The following DNER variants were observed in gnomAD, a reference collection of about 807,000 sequenced individuals.
DNER encodes delta and Notch-like epidermal growth factor-related receptor.
DNER carries 33 observed loss-of-function variants against 78.2 expected under a neutral mutation model. The observed-to-expected ratio is 0.42, with a 90% CI of 0.32 to 0.56. DNER has a LOEUF of 0.56. DNER is among the 20% of genes least tolerant of loss of function. The pLI, the probability that DNER is intolerant of heterozygous loss-of-function variation, is 0.11. For missense variants in DNER, 918 were observed against 975.3 expected (o/e 0.94, Z 0.78); for synonymous variants, 417 against 384.8 (o/e 1.08, Z -0.98).
At chr2:229,625,768 G>A (rs925884797) in intron 1 of DNER, among the ~76,000 whole-genome samples, 1 of 152,160 alleles carries the variant, frequency 6.6e-6, no homozygotes, top group African/African-American at 2.4e-5. Context: ...TTGGTAGCAG[G>A]AATGCAATAG....
Position 229,714,179 on chromosome 2 carries a change from C to G in DNER, c.245G>C (p.Cys82Ser). 3.0e-6 allele frequency: 4 copies of G among 1,341,854 alleles called. No homozygotes were observed. The highest frequency in any genetic ancestry group is 3.8e-6 in the Non-Finnish European group (4 of 1,051,882). The allele number at this position is 1,341,854 out of a possible 1,614,324, so 83.1% of individuals were successfully genotyped here. The change falls in exon 1 of 13, where the codon TGC (cysteine) becomes TCC (serine). Residue 82 changes from cysteine (C) to serine (S), a missense_variant. Cys to Ser is a moderately radical substitution (Grantham distance 112). Transcript: ENST00000341772. ...GTTGGCGCCGGAGATCCCGGCGGGG[C>G]AGGTGCAGCTGTAGCCAGGCTCGCC... ...PAGEPGYSCT[C>S]PAGISGANCQ...
At chr2:229,579,254 T>C (rs943562920) in intron 4 of DNER, among the ~76,000 whole-genome samples, 2 of 152,152 alleles carry the variant, frequency 1.3e-5, no homozygotes, top group African/African-American at 2.4e-5. Context: ...AACCCTGTCT[T>C]GGGCACTTGT....
intron 1 of DNER, among the ~76,000 whole-genome samples, chr2:229,625,143 C>T (rs189310508): frequency 1.2e-4 from 18 of 152,174 alleles, no homozygotes; most frequent in Admixed American, 3.3e-4. Context: ...ATAGAAATTG[C>T]GATCAAATCA....
At chr2:229,605,562 C>T (rs1385322516) in intron 1 of DNER, among the ~76,000 whole-genome samples, 3 of 152,176 alleles carry the variant, frequency 2.0e-5, no homozygotes, top group Non-Finnish European at 4.4e-5. Flanking sequence ...GCTTTTCAAG[C>T]TAACAATTTT....
intron 1 of DNER, among the ~76,000 whole-genome samples, chr2:229,702,557 T>C (rs1384321482): frequency 1.3e-5 from 2 of 151,750 alleles, no homozygotes; most frequent in Non-Finnish European, 2.9e-5. Flanking sequence ...ATGATGATGA[T>C]GATTTTAAAA....
intron 4 of DNER, among the ~76,000 whole-genome samples, chr2:229,584,635 C>T (rs1031815626): frequency 2.6e-5 from 4 of 152,118 alleles, no homozygotes; most frequent in African/African-American, 4.8e-5. Flanking sequence ...GCCATTTCTA[C>T]GCCAAAGCGG....
intron 1 of DNER, among the ~76,000 whole-genome samples, chr2:229,634,269 C>CTTT (rs1698491169): frequency 6.6e-6 from 1 of 152,118 alleles, no homozygotes; most frequent in Non-Finnish European, 1.5e-5. Context: ...TTCCTTCCTT[C>CTTT]CTTCCTTCCT....
chr2:229,453,161 T>A (rs1336117325), intron 7 of DNER, among the ~76,000 whole-genome samples: 1 of 152,224 alleles, frequency 6.6e-6, no homozygotes, highest in Non-Finnish European at 1.5e-5. Flanking sequence ...TGCTTACAAT[T>A]TTCATTTCTT....
chr2:229,593,674 T>C (rs529253982), intron 1 of DNER, among the ~76,000 whole-genome samples: 2 of 152,354 alleles, frequency 1.3e-5, no homozygotes, highest in Middle Eastern at 3.4e-3. Flanking sequence ...GATGTGAACT[T>C]GTTGAGTCAC....
chr2:229,547,750 G>A (rs527348928), intron 4 of DNER, among the ~76,000 whole-genome samples: 1 of 152,308 alleles, frequency 6.6e-6, no homozygotes, highest in Admixed American at 6.5e-5. Context: ...ACTAATCATA[G>A]TTGAATATGG....
intron 6 of DNER, among the ~76,000 whole-genome samples, chr2:229,497,442 C>G (rs1453498984): frequency 6.6e-6 from 1 of 151,320 alleles, no homozygotes; most frequent in Non-Finnish European, 1.5e-5. Context: ...TAATGAAGAT[C>G]AGATCAAAAA....
chr2:229,438,540 A>G (rs1694172553), intron 8 of DNER, among the ~76,000 whole-genome samples: 1 of 152,230 alleles, frequency 6.6e-6, no homozygotes. Context: ...GTAAGAGAAA[A>G]TAAGTGTCAG....
At chr2:229,431,357 T>C (rs1318593794) in intron 8 of DNER, among the ~76,000 whole-genome samples, 1 of 152,152 alleles carries the variant, frequency 6.6e-6, no homozygotes, top group Non-Finnish European at 1.5e-5. Context: ...TAAAGGCCTT[T>C]GACTTTAAAC....
rs1416013923 is a variant in DNER, at chr2:229,477,196, C to T, written c.1205G>A (p.Arg402Lys). Residue 402 changes from arginine (R) to lysine (K), a missense_variant, in exon 7 of 13, where the codon AGA (arginine) becomes AAA (lysine). Transcript: ENST00000341772. ...KIDYCILDPC[R>K]NGATCISSLS... ...ACTGGAAATGCATGTTGCTCCATTTCTGCATGGGTCTAGGATGCAGTAATC... is the reference window on the plus strand; with the variant it reads ...ACTGGAAATGCATGTTGCTCCATTTTTGCATGGGTCTAGGATGCAGTAATC... 6.2e-7 allele frequency: 1 copy of T among 1,614,022 alleles called. No homozygotes were observed. Among genetic ancestry groups the T allele is most frequent in the Non-Finnish European group, 8.5e-7 (1 of 1,179,952 alleles).
chr2:229,436,443 G>C (rs1694120762), intron 8 of DNER, among the ~76,000 whole-genome samples: 1 of 152,156 alleles, frequency 6.6e-6, no homozygotes, highest in Non-Finnish European at 1.5e-5. Flanking sequence ...TTCAGGAAAT[G>C]CAGAGAACAC....
chr2:229,700,353 T>G (rs1220143171), intron 1 of DNER, among the ~76,000 whole-genome samples: 1 of 142,632 alleles, frequency 7.0e-6, no homozygotes, highest in Non-Finnish European at 1.6e-5. Context: ...TTTTTTTTTT[T>G]GAGACAGCAT....
rs779351483 is a variant in DNER, at chr2:229,367,118, G to C, written c.1857C>G (p.His619Gln). ...CCATGTGCCCGGACTTCCATTGGAG[G>C]TCTGCAGGCAAAAATAAGCAAATGG... ...HGWVGANCEI[H>Q]LQWKSGHMAE... Residue 619 changes from histidine to glutamine, a missense_variant and splice_region_variant, in exon 12 of 13, where the codon CAC becomes CAG. Transcript: ENST00000341772. 1.9e-6 allele frequency: 3 copies of C among 1,614,036 alleles called. No homozygotes were observed. Among genetic ancestry groups the C allele is most frequent in the Non-Finnish European group, 2.5e-6 (3 of 1,179,982 alleles).
chr2:229,526,416 T>C (rs2154212706), intron 5 of DNER, among the ~76,000 whole-genome samples: 1 of 152,298 alleles, frequency 6.6e-6, no homozygotes, highest in Non-Finnish European at 1.5e-5. Flanking sequence ...TCAGGCCCTT[T>C]ATACAGAGGA....
intron 11 of DNER, among the ~76,000 whole-genome samples, chr2:229,372,791 G>A (rs1692515127): frequency 6.6e-6 from 1 of 152,086 alleles, no homozygotes; most frequent in Non-Finnish European, 1.5e-5. Flanking sequence ...ATGGTGATGG[G>A]CATGGAGACA....
Sources: gnomAD v4.1 joint callset for allele counts (sites outside exome capture counted in the v4.1 genomes callset) on GRCh38, gnomAD v4.1.1 for gene constraint, MANE v1.5 for transcripts, NCBI Gene and HGNC (gene_info 2026-07-23, HGNC 2026-07-21) for gene names.